Variants in EXOC6 observed in about 807,000 individuals in gnomAD.
EXOC6 encodes exocyst complex component 6.
EXOC6 carries 60 observed loss-of-function variants against 112.5 expected under a neutral mutation model. The ratio of observed to expected loss-of-function variants is 0.53; its 90% CI spans 0.43 to 0.66. The LOEUF (loss-of-function observed/expected upper bound fraction) is 0.66. Ranked by LOEUF, EXOC6 falls within the 30% of genes least tolerant of loss-of-function variation. The pLI, the probability that EXOC6 is intolerant of heterozygous loss-of-function variation, is 0.00. For missense variants in EXOC6, 855 were observed against 957.1 expected, an observed-to-expected ratio of 0.89 and a Z score of 1.41; for synonymous variants, 295 against 308.0, an observed-to-expected ratio of 0.96 and a Z score of 0.44.
chr10:92,949,805 A>G (rs1853294519), intron 14 of EXOC6, among the ~76,000 whole-genome samples: 1 of 150,674 alleles, frequency 6.6e-6, no homozygotes, highest in African/African-American at 2.4e-5. Context: ...CGTGTAGGTC[A>G]GGCTGGTCTC....
At chr10:92,913,427 C>A (rs1850910004) in intron 6 of EXOC6, among the ~76,000 whole-genome samples, 1 of 152,176 alleles carries the variant, frequency 6.6e-6, no homozygotes, top group African/African-American at 2.4e-5. Context: ...TTAAGTGATA[C>A]CCTGTTACCT....
At chr10:92,901,347 A>G (rs893393375) in intron 5 of EXOC6, 3 of 152,072 alleles carry the variant, frequency 2.0e-5, no homozygotes, top group African/African-American at 7.2e-5. Context: ...AAATTCTATT[A>G]TTTCTTAAAC....
intron 18 of EXOC6, among the ~76,000 whole-genome samples, chr10:92,986,864 C>G (rs1169949235): frequency 6.6e-6 from 1 of 151,922 alleles, no homozygotes; most frequent in Admixed American, 6.6e-5. Context: ...ATAATTAGTA[C>G]AGAACTACGG....
At chr10:92,828,690 CTGTGTGTGTGTGTGTGTG>C (rs71028851) in intron 1 of EXOC6, among the ~76,000 whole-genome samples, 10 of 105,200 alleles carry the variant, frequency 9.5e-5, no homozygotes, top group Admixed American at 3.7e-4. Context: ...TTTTGTGTGT[CTGTGTGTGTGTGTGTGTG>C]TGTGTGTGTG....
intron 12 of EXOC6, 23 bp from the exon 13 acceptor site, chr10:92,940,704 T>C (rs777960747): frequency 1.3e-4 from 37 of 294,574 alleles, no homozygotes; most frequent in Non-Finnish European, 1.4e-4. Flanking sequence ...GTTTATCTGC[T>C]TTTTTTTTTT....
intron 14 of EXOC6, among the ~76,000 whole-genome samples, chr10:92,948,848 A>G (rs1853217217): frequency 6.6e-6 from 1 of 152,196 alleles, no homozygotes; most frequent in Non-Finnish European, 1.5e-5. Context: ...AAAAGTTTAT[A>G]TTGGTTAAAT....
intron 17 of EXOC6, among the ~76,000 whole-genome samples, chr10:92,965,368 T>A (rs1173356919): frequency 2.0e-5 from 3 of 152,182 alleles, no homozygotes; most frequent in East Asian, 1.9e-4. Flanking sequence ...AAATTTTTTT[T>A]AAAAGTTCTC....
intron 20 of EXOC6, among the ~76,000 whole-genome samples, chr10:93,039,914 C>T (rs1476428094): frequency 1.3e-5 from 2 of 152,190 alleles, no homozygotes. Context: ...GCAGCTCTCT[C>T]TAGTGGCAGG....
At chr10:92,827,544 A>T (rs531697298) in intron 1 of EXOC6, among the ~76,000 whole-genome samples, 1 of 147,866 alleles carries the variant, frequency 6.8e-6, no homozygotes, top group African/African-American at 2.5e-5. Context: ...AGTGCAAAAT[A>T]CCTGTGTACA....
At chr10:92,859,534 T>C (rs1019798869) in intron 1 of EXOC6, among the ~76,000 whole-genome samples, 1 of 152,220 alleles carries the variant, frequency 6.6e-6, no homozygotes, top group Admixed American at 6.5e-5. Flanking sequence ...TTGGTCCTCT[T>C]TGCAGTGGCA....
intron 18 of EXOC6, among the ~76,000 whole-genome samples, chr10:92,981,495 A>G (rs982160900): frequency 6.6e-6 from 1 of 152,240 alleles, no homozygotes; most frequent in Admixed American, 6.5e-5. Flanking sequence ...GTTTATCACT[A>G]AAGGTACCCA....
chr10:92,861,633 G>C (rs1418149591), intron 1 of EXOC6, among the ~76,000 whole-genome samples: 1 of 152,078 alleles, frequency 6.6e-6, no homozygotes, highest in African/African-American at 2.4e-5. Flanking sequence ...GCAGGAAAGA[G>C]AGCCCTGCCT....
intron 13 of EXOC6, among the ~76,000 whole-genome samples, 169 bp downstream of exon 13, chr10:92,940,993 T>C (rs1852637470): frequency 1.3e-5 from 2 of 152,070 alleles, no homozygotes; most frequent in Non-Finnish European, 2.9e-5. Flanking sequence ...TGGTGTACAG[T>C]CAAATTGTTG....
At position 92,858,028 on chromosome 10, in the gene EXOC6, CCT is replaced by C. The variant is rs1245411645; in HGVS notation, c.101+9396_101+9397del. On this transcript the variant is annotated intron_variant, in intron 1 of 21. Transcript: ENST00000260762. ...AGATTTTTAGTTGACGGGTTCCCCC[CCT>C]CCGCCGGCCAGCAGTTTGAATATGT... 3.6e-5 allele frequency among the ~76,000 whole-genome samples: 5 copies of C among 138,968 alleles called. 1 individual carries two copies. The highest frequency in any genetic ancestry group is 6.1e-5 in the Non-Finnish European group (4 of 65,282). 91.2% of individuals were successfully genotyped at this position (138,968 alleles called of 152,430 possible).
chr10:92,907,228 A>C (rs540556180), intron 5 of EXOC6, among the ~76,000 whole-genome samples: 19 of 152,238 alleles, frequency 1.2e-4, no homozygotes, highest in African/African-American at 4.6e-4. Flanking sequence ...AGCAAATATG[A>C]GGGTGAGTTA....
intron 19 of EXOC6, among the ~76,000 whole-genome samples, chr10:93,000,988 G>A (rs1434613768): frequency 6.6e-6 from 1 of 152,160 alleles, no homozygotes; most frequent in African/African-American, 2.4e-5. Flanking sequence ...AAGTATTTCT[G>A]TTTAAATCTG....
chr10:92,912,788 A>G (rs1414083407), intron 6 of EXOC6, among the ~76,000 whole-genome samples: 4 of 152,180 alleles, frequency 2.6e-5, no homozygotes, highest in Non-Finnish European at 5.9e-5. Flanking sequence ...AGAAGGGAGT[A>G]TGCCTTAACC....
At chr10:93,054,763 A>G (rs1221460847) in intron 20 of EXOC6, among the ~76,000 whole-genome samples, 2 of 152,244 alleles carry the variant, frequency 1.3e-5, no homozygotes, top group Non-Finnish European at 2.9e-5. Flanking sequence ...TTCTGCTGAC[A>G]CTGTGCATTG....
At chr10:92,955,813 C>A in intron 17 of EXOC6, 99 bp downstream of exon 17, 1 of 1,109,518 alleles carries the variant, frequency 9.0e-7, no homozygotes, top group Non-Finnish European at 1.3e-6. Flanking sequence ...TACTATATTC[C>A]TAAAAATTAA....
Sources: allele counts gnomAD v4.1 joint callset (sites outside exome capture counted in the v4.1 genomes callset), GRCh38; gene constraint gnomAD v4.1.1; transcripts MANE v1.5; gene names NCBI Gene and HGNC (gene_info 2026-07-23, HGNC 2026-07-21).